ZMAT4: variants seen among roughly 807,000 people sequenced by gnomAD.
The protein encoded by ZMAT4 is zinc finger matrin-type 4.
A neutral mutation model predicts 28.7 loss-of-function variants in ZMAT4; 17 were observed. The observed-to-expected ratio is 0.59, with a 90% CI of 0.41 to 0.89. The LOEUF (loss-of-function observed/expected upper bound fraction) is 0.89, where lower values mean the gene tolerates loss of function less well. ZMAT4 is among the 40% of genes least tolerant of loss of function. The pLI, the probability that ZMAT4 is intolerant of heterozygous loss-of-function variation, is 0.00. For synonymous variants in ZMAT4, 117 were observed against 109.2 expected, an observed-to-expected ratio of 1.07 and a Z score of -0.44; for missense variants, 240 against 283.8, an observed-to-expected ratio of 0.85 and a Z score of 1.11.
chr8:40,589,728 T>TTCCC (rs1554523982), intron 5 of ZMAT4, among the ~76,000 whole-genome samples: 1 of 49,242 alleles, frequency 2.0e-5, no homozygotes, highest in African/African-American at 6.6e-5. Flanking sequence ...TCCTTCTTCC[T>TTCCC]TTCCTTTCTT....
chr8:40,825,081 G>A (rs1481043340), intron 2 of ZMAT4, among the ~76,000 whole-genome samples: 2 of 152,216 alleles, frequency 1.3e-5, no homozygotes, highest in Admixed American at 1.3e-4. Context: ...ATTGTGATAA[G>A]CACATGTTGG....
chr8:40,536,453 A>T (rs571483948), intron 6 of ZMAT4, among the ~76,000 whole-genome samples: 1 of 152,348 alleles, frequency 6.6e-6, no homozygotes, highest in Admixed American at 6.5e-5. Flanking sequence ...CTGAGAAAAT[A>T]AAAATGTCTT....
chr8:40,703,798 G>T (rs1163645300), intron 3 of ZMAT4, among the ~76,000 whole-genome samples: 7 of 152,200 alleles, frequency 4.6e-5, no homozygotes, highest in African/African-American at 1.7e-4. Context: ...TCATTTAAAT[G>T]ATTTCAAAAG....
intron 2 of ZMAT4, among the ~76,000 whole-genome samples, chr8:40,813,596 G>A (rs1448039602): frequency 3.9e-5 from 6 of 152,262 alleles, no homozygotes; most frequent in Admixed American, 1.3e-4. Context: ...AGCAAGTGAC[G>A]GCTTGCCAAA....
intron 1 of ZMAT4, among the ~76,000 whole-genome samples, chr8:40,875,729 C>T (rs1259301762): frequency 6.6e-6 from 1 of 152,116 alleles, no homozygotes; most frequent in Non-Finnish European, 1.5e-5. Flanking sequence ...CCAGGAAGTA[C>T]AAGTTCTGCC....
intron 1 of ZMAT4, among the ~76,000 whole-genome samples, chr8:40,827,654 C>T (rs1238010134): frequency 6.6e-6 from 1 of 152,140 alleles, no homozygotes; most frequent in Non-Finnish European, 1.5e-5. Context: ...TTTTTCAATG[C>T]CCCCAGCAAG....
At chr8:40,686,488 GC>G (rs1293755004) in intron 4 of ZMAT4, among the ~76,000 whole-genome samples, 1 of 151,940 alleles carries the variant, frequency 6.6e-6, no homozygotes, top group Non-Finnish European at 1.5e-5. Context: ...TTGAAAATTA[GC>G]CTGGCATAGT....
rs192349525 is a variant in ZMAT4, at chr8:40,631,723, A to C, written c.577+42981T>G. Among the ~76,000 whole-genome samples the C allele has an allele frequency of 1.9e-3, 294 of 152,332 alleles. 2 individuals are homozygous for C. Among genetic ancestry groups the C allele is most frequent in the African/African-American group, 6.7e-3 (278 of 41,568 alleles). ...CCACTCTCATTTTGCAAAACAGGAA[A>C]TTGAGAAAGAGAAATGGAGTTAGGC... is the stretch of plus-strand genomic sequence containing the variant. On this transcript the variant is annotated intron_variant, in intron 5 of 6. Coordinates refer to ENST00000297737, the MANE Select transcript of ZMAT4 (RefSeq NM_024645.3).
chr8:40,537,437 C>T (rs918502468), intron 6 of ZMAT4, among the ~76,000 whole-genome samples: 6 of 152,080 alleles, frequency 3.9e-5, no homozygotes, highest in African/African-American at 9.7e-5. Flanking sequence ...TGGGAACATT[C>T]GAAAGTATAG....
At chr8:40,752,615 C>T (rs139758538) in intron 3 of ZMAT4, among the ~76,000 whole-genome samples, 6 of 152,304 alleles carry the variant, frequency 3.9e-5, no homozygotes, top group African/African-American at 1.4e-4. Context: ...CGTTCCAATT[C>T]TCAGCCTGGA....
Position 40,890,972 on chromosome 8 carries a change from C to CTA in ZMAT4, c.-5+6709_-5+6710dup, listed in dbSNP as rs562117771. 3.5e-4 allele frequency among the ~76,000 whole-genome samples: 53 copies of CTA among 151,888 alleles called. No homozygotes were observed. The East Asian group carries it at 9.7e-3, about 28-fold the overall frequency. On this transcript the variant is annotated intron_variant, in intron 1 of 6. Coordinates refer to ENST00000297737, the MANE Select transcript of ZMAT4 (RefSeq NM_024645.3). ...CAAATAAGGAGAATCATGGTGTACC[C>CTA]TACACCCAGATGCACTCTATCCACC...
chr8:40,796,537 A>T lies in ZMAT4; in HGVS notation c.103-28807T>A, dbSNP rs1464813604. The stretch of plus-strand genomic sequence containing the variant: ...ACCCTTGAATCTCACCCAGCTCTTT[A>T]TCACTGTCTCTGTGGTATTTAAAGA... On this transcript the variant is annotated intron_variant, in intron 2 of 6. Coordinates refer to ENST00000297737, the MANE Select transcript of ZMAT4 (RefSeq NM_024645.3). Among the ~76,000 whole-genome samples the T allele has an allele frequency of 3.3e-5, 5 of 152,212 alleles. No homozygotes were observed. In the East Asian group the frequency reaches 9.7e-4, roughly 29 times the overall value.
chr8:40,626,580 C>T (rs950177210), intron 5 of ZMAT4, among the ~76,000 whole-genome samples: 7 of 152,212 alleles, frequency 4.6e-5, no homozygotes, highest in South Asian at 2.1e-4. Flanking sequence ...TCAGCAAACA[C>T]GCACGATGTC....
chr8:40,682,878 C>A (rs1037526491), intron 4 of ZMAT4, among the ~76,000 whole-genome samples: 1 of 152,152 alleles, frequency 6.6e-6, no homozygotes, highest in Non-Finnish European at 1.5e-5. Flanking sequence ...TGCCTGGTTT[C>A]TGCAGAATTT....
intron 5 of ZMAT4, among the ~76,000 whole-genome samples, chr8:40,601,473 GA>G (rs1554525370): frequency 2.6e-5 from 2 of 76,988 alleles, no homozygotes; most frequent in African/African-American, 4.0e-5. Context: ...AGAAAGGAAA[GA>G]AAGAAAGAAA....
At chr8:40,844,536 G>A (rs1816812672) in intron 1 of ZMAT4, among the ~76,000 whole-genome samples, 1 of 152,114 alleles carries the variant, frequency 6.6e-6, no homozygotes, top group South Asian at 2.1e-4. Context: ...ATGTCAGAAT[G>A]CAGGCCTTCC....
chr8:40,617,074 CA>C (rs1806034184), intron 5 of ZMAT4, among the ~76,000 whole-genome samples: 3 of 152,070 alleles, frequency 2.0e-5, no homozygotes, highest in Non-Finnish European at 4.4e-5. Context: ...AAGAATTTAT[CA>C]TGATGTCACA....
At chr8:40,577,215 G>A (rs964498932) in intron 6 of ZMAT4, among the ~76,000 whole-genome samples, 8 of 151,864 alleles carry the variant, frequency 5.3e-5, no homozygotes, top group Admixed American at 1.3e-4. Context: ...AAAAAAAGAT[G>A]TCTGTGCTCC....
chr8:40,874,201 C>A (rs192396438), intron 1 of ZMAT4, among the ~76,000 whole-genome samples: 1 of 152,184 alleles, frequency 6.6e-6, no homozygotes, highest in Non-Finnish European at 1.5e-5. Flanking sequence ...CCAGTGAATG[C>A]CTGCTGTGCC....
Sources: allele counts gnomAD v4.1 joint callset (sites outside exome capture counted in the v4.1 genomes callset), GRCh38; gene constraint gnomAD v4.1.1; transcripts MANE v1.5; gene names NCBI Gene and HGNC (gene_info 2026-07-23, HGNC 2026-07-21).